The following SGCZ variants were observed in gnomAD, a reference collection of about 807,000 sequenced individuals.
SGCZ encodes sarcoglycan zeta.
Under a neutral mutation model 41.3 loss-of-function variants are expected in SGCZ, and 40 were observed. The ratio of observed to expected loss-of-function variants is 0.97; its 90% CI spans 0.75 to 1.26. SGCZ has a LOEUF of 1.26. Ranked by LOEUF, SGCZ falls within the 50% of genes most tolerant of loss-of-function variation. The probability of loss-of-function intolerance (pLI) is 0.00; values close to 1 mark genes in which losing one functional copy is unlikely to be tolerated. For missense variants in SGCZ, 552 were observed against 369.8 expected, an observed-to-expected ratio of 1.49 and a Z score of -4.04; for synonymous variants, 206 against 137.5, an observed-to-expected ratio of 1.50 and a Z score of -3.49.
chr8:14,627,051 C>T (rs564951120), intron 1 of SGCZ, among the ~76,000 whole-genome samples: 2 of 152,266 alleles, frequency 1.3e-5, no homozygotes, highest in East Asian at 3.9e-4. Context: ...TCTCTTTAAT[C>T]TTGAACCTAA....
chr8:14,683,325 G>A (rs962386613), intron 1 of SGCZ, among the ~76,000 whole-genome samples: 4 of 151,972 alleles, frequency 2.6e-5, no homozygotes, highest in African/African-American at 7.2e-5. Context: ...GGCATCAACC[G>A]TTGAAATAAC....
intron 4 of SGCZ, among the ~76,000 whole-genome samples, chr8:14,231,160 A>AGTGT (rs71209027): frequency 0.11 from 11,952 of 111,966 alleles, 946 homozygotes; most frequent in African/African-American, 0.19. Flanking sequence ...TCTTTGGGCA[A>AGTGT]GTGTGTGTGT....
intron 3 of SGCZ, among the ~76,000 whole-genome samples, chr8:14,243,018 C>T (rs1043461693): frequency 1.1e-4 from 16 of 152,178 alleles, no homozygotes; most frequent in African/African-American, 3.9e-4. Context: ...TGCTATCATC[C>T]AGGTTTTGGT....
chr8:14,871,439 T>C (rs1049861555), intron 1 of SGCZ, among the ~76,000 whole-genome samples: 3 of 152,118 alleles, frequency 2.0e-5, no homozygotes, highest in African/African-American at 4.8e-5. Context: ...TGCACACATA[T>C]GTTTACTGCA....
intron 3 of SGCZ, among the ~76,000 whole-genome samples, chr8:14,265,476 A>C (rs1799836617): frequency 6.6e-6 from 1 of 152,304 alleles, no homozygotes; most frequent in Non-Finnish European, 1.5e-5. Context: ...TTTGTTGGCC[A>C]AAGATTTATT....
intron 1 of SGCZ, among the ~76,000 whole-genome samples, chr8:14,566,478 C>A (rs1804364318): frequency 6.6e-6 from 1 of 152,144 alleles, no homozygotes; most frequent in Non-Finnish European, 1.5e-5. Context: ...TCAGTAGAGA[C>A]CATACAAGAG....
chr8:14,534,484 G>A (rs1431536872), intron 2 of SGCZ, among the ~76,000 whole-genome samples: 3 of 152,008 alleles, frequency 2.0e-5, no homozygotes, highest in African/African-American at 7.2e-5. Context: ...TATCCAATCA[G>A]TAAGTAAATA....
intron 1 of SGCZ, among the ~76,000 whole-genome samples, chr8:14,880,667 G>T (rs1804553219): frequency 6.6e-6 from 1 of 152,066 alleles, no homozygotes; most frequent in Non-Finnish European, 1.5e-5. Flanking sequence ...CATGGATGAA[G>T]CTGGAAACCA....
At chr8:14,158,959 G>C (rs1157870366) in intron 5 of SGCZ, among the ~76,000 whole-genome samples, 1 of 152,078 alleles carries the variant, frequency 6.6e-6, no homozygotes, top group Non-Finnish European at 1.5e-5. Context: ...GCAGAGATGG[G>C]GGTTTCACCA....
At chr8:15,206,018 G>A (rs186144211) in intron 1 of SGCZ, among the ~76,000 whole-genome samples, 108 of 152,216 alleles carry the variant, frequency 7.1e-4, no homozygotes, top group African/African-American at 2.4e-3. Flanking sequence ...TCTTACTGGG[G>A]TCTACTTGAG....
intron 1 of SGCZ, among the ~76,000 whole-genome samples, chr8:14,953,240 C>T (rs958493775): frequency 8.5e-5 from 13 of 152,126 alleles, no homozygotes; most frequent in African/African-American, 2.9e-4. Flanking sequence ...TGGTGCAAGG[C>T]GAAGGGGAAG....
chr8:15,033,668 C>G (rs1011760686), intron 1 of SGCZ, among the ~76,000 whole-genome samples: 2 of 152,094 alleles, frequency 1.3e-5, no homozygotes, highest in African/African-American at 4.8e-5. Flanking sequence ...CCCAGTGGAC[C>G]TAGGCATAAG....
At chr8:14,321,009 G>C (rs999579454) in intron 3 of SGCZ, among the ~76,000 whole-genome samples, 2 of 152,040 alleles carry the variant, frequency 1.3e-5, no homozygotes, top group Non-Finnish European at 2.9e-5. Context: ...AAAGTCTGAA[G>C]ATTAGGTGTC....
chr8:14,305,159 G>C (rs1044714678), intron 3 of SGCZ, among the ~76,000 whole-genome samples: 7 of 152,168 alleles, frequency 4.6e-5, no homozygotes, highest in Admixed American at 6.5e-5. Context: ...ATAACATTAA[G>C]TCAAATGTTA....
intron 1 of SGCZ, among the ~76,000 whole-genome samples, chr8:14,985,577 T>A (rs149968092): frequency 1.3e-5 from 2 of 152,194 alleles, no homozygotes; most frequent in African/African-American, 4.8e-5. Flanking sequence ...CAGTTCAGAA[T>A]GCAGGATGTG....
chr8:15,076,820 G>A (rs1805551187), intron 1 of SGCZ, among the ~76,000 whole-genome samples: 1 of 134,550 alleles, frequency 7.4e-6, no homozygotes, highest in South Asian at 2.3e-4. Flanking sequence ...TCCCTTTTTC[G>A]TTACTATTCT....
rs1482885120 is a variant in SGCZ at position 14,088,115 on chromosome 8, A to T, written c.*2328T>A. Among the ~76,000 whole-genome samples the T allele has an allele frequency of 1.3e-5, 2 of 151,590 alleles. No individual in the cohort carries two copies. The highest frequency in any genetic ancestry group is 3.0e-5 in the Non-Finnish European group (2 of 67,792). On this transcript the variant is annotated 3_prime_UTR_variant, in exon 8 of 8. Coordinates refer to ENST00000382080, the MANE Select transcript of SGCZ (RefSeq NM_139167.4). Reference sequence around the variant, plus strand: ...CTCCTCTTATGACATATAATTTAAAATTTCATTTTTCTCTTTTGCCTTTTG... The same window carrying T: ...CTCCTCTTATGACATATAATTTAAATTTTCATTTTTCTCTTTTGCCTTTTG...
intron 3 of SGCZ, among the ~76,000 whole-genome samples, chr8:14,269,001 A>G (rs1313471822): frequency 6.6e-6 from 1 of 151,994 alleles, no homozygotes; most frequent in African/African-American, 2.4e-5. Flanking sequence ...TAGAAAATAG[A>G]AGAGTAAAAC....
At chr8:14,519,478 T>C (rs756588265) in intron 2 of SGCZ, among the ~76,000 whole-genome samples, 1 of 152,134 alleles carries the variant, frequency 6.6e-6, no homozygotes, top group Non-Finnish European at 1.5e-5. Flanking sequence ...TAATGTCTTA[T>C]GAACATCAAG....
Sources: allele counts gnomAD v4.1 joint callset (sites outside exome capture counted in the v4.1 genomes callset), GRCh38; gene constraint gnomAD v4.1.1; transcripts MANE v1.5; gene names NCBI Gene and HGNC (gene_info 2026-07-23, HGNC 2026-07-21).